VPS36: variants seen among roughly 807,000 people sequenced by gnomAD.
VPS36 encodes the protein vacuolar protein sorting 36 homolog, also known as vacuolar protein-sorting-associated protein 36.
VPS36 carries 31 observed loss-of-function variants against 63.5 expected under a neutral mutation model. The ratio of observed to expected loss-of-function variants is 0.49; its 90% confidence interval spans 0.37 to 0.66. The LOEUF (loss-of-function observed/expected upper bound fraction) is 0.66, where lower values mean the gene tolerates loss of function less well. VPS36 is among the 30% of genes least tolerant of loss of function. The pLI is 0.00. For missense variants in VPS36, 338 were observed against 463.7 expected, an observed-to-expected ratio of 0.73 and a Z score of 2.49; for synonymous variants, 138 against 157.2, an observed-to-expected ratio of 0.88 and a Z score of 0.91.
At chr13:52,423,140 T>C (rs1165306375) in intron 10 of VPS36, among the ~76,000 whole-genome samples, 6 of 152,226 alleles carry the variant, frequency 3.9e-5, no homozygotes, top group East Asian at 1.9e-4. Context: ...CTTTCTTTTG[T>C]AAATTGCCCA....
In VPS36 at chr13:52,415,758, T is replaced by G. The variant is rs1420182013; in HGVS notation, c.*72A>C. 8.0e-6 allele frequency: 11 copies of G among 1,381,012 alleles called. No individual in the cohort carries two copies. In the East Asian group the frequency reaches 2.5e-4, roughly 32 times the overall value. 85.5% of individuals were successfully genotyped at this position (1,381,012 alleles called of 1,614,324 possible). ...AATTCTCAATTGATCGGGGTTTATC[T>G]CTTAGCTCAATGTCATACAACCTCT... On this transcript the variant is annotated 3_prime_UTR_variant, in exon 14 of 14. Transcript: ENST00000378060.
intron 9 of VPS36, among the ~76,000 whole-genome samples, chr13:52,424,359 A>T (rs1046489018): frequency 3.3e-4 from 50 of 152,320 alleles, no homozygotes; most frequent in African/African-American, 1.1e-3. Context: ...ATCACAAAAA[A>T]TTTTTTAAAA....
chr13:52,444,409 G>A (rs1327687016), intron 1 of VPS36, among the ~76,000 whole-genome samples: 1 of 151,450 alleles, frequency 6.6e-6, no homozygotes, highest in Non-Finnish European at 1.5e-5. Flanking sequence ...GCAGTGAGCC[G>A]AGATCGCGCC....
intron 6 of VPS36, among the ~76,000 whole-genome samples, chr13:52,433,081 C>T (rs116605153): frequency 0.01 from 1,590 of 152,276 alleles, 26 homozygotes; most frequent in African/African-American, 0.036. Context: ...TAACTAATTA[C>T]AGAATCTAAT....
chr13:52,434,702 G>T, intron 5 of VPS36, 91 bp downstream of exon 5: 1 of 1,237,072 alleles, frequency 8.1e-7, no homozygotes, highest in Non-Finnish European at 1.1e-6. Context: ...ATTTTGTTTT[G>T]GGCAAGTTCT....
chr13:52,427,114 G>C, intron 7 of VPS36, 48 bp from the exon 8 acceptor site: 1 of 1,602,448 alleles, frequency 6.2e-7, no homozygotes, highest in Non-Finnish European at 8.5e-7. Flanking sequence ...TCCCCAAAAT[G>C]TCTGCTAACA....
At chr13:52,440,220 C>G (rs924093185) in intron 2 of VPS36, among the ~76,000 whole-genome samples, 2 of 152,034 alleles carry the variant, frequency 1.3e-5, no homozygotes, top group Non-Finnish European at 2.9e-5. Context: ...CTCAAGTGAC[C>G]CCCCTGCCTC....
chr13:52,429,631 T>C (rs1958135866), intron 6 of VPS36, among the ~76,000 whole-genome samples: 1 of 152,156 alleles, frequency 6.6e-6, no homozygotes, highest in East Asian at 1.9e-4. Context: ...ATCTGCATGG[T>C]TAATGACCTG....
intron 2 of VPS36, 123 bp downstream of exon 2, chr13:52,442,254 G>C (rs922075271): frequency 1.3e-6 from 1 of 783,766 alleles, no homozygotes; most frequent in African/African-American, 1.8e-5. Flanking sequence ...GGGAGGTTGA[G>C]GCCAGGAGAA....
intron 1 of VPS36, among the ~76,000 whole-genome samples, chr13:52,448,395 G>A (rs963407393): frequency 2.0e-5 from 3 of 152,192 alleles, no homozygotes; most frequent in African/African-American, 7.2e-5. Flanking sequence ...GAGTCAGCCT[G>A]TGCCCCATTC....
chr13:52,428,131 C>T (rs1958122519), intron 6 of VPS36, among the ~76,000 whole-genome samples: 1 of 152,116 alleles, frequency 6.6e-6, no homozygotes, highest in Non-Finnish European at 1.5e-5. Flanking sequence ...ATTCAAATAC[C>T]ATCTAAATGT....
chr13:52,430,669 C>T (rs994354541), intron 6 of VPS36, among the ~76,000 whole-genome samples: 7 of 151,688 alleles, frequency 4.6e-5, no homozygotes, highest in Admixed American at 4.6e-4. Flanking sequence ...AGAAAAATTT[C>T]CCTGAAATTA....
intron 10 of VPS36, among the ~76,000 whole-genome samples, chr13:52,423,323 T>C (rs1206422474): frequency 1.3e-5 from 2 of 151,830 alleles, no homozygotes; most frequent in African/African-American, 2.4e-5. Flanking sequence ...AAAATAAAAA[T>C]AAAGAAAAGA....
At chr13:52,422,169 A>G (rs1958053567) in intron 10 of VPS36, among the ~76,000 whole-genome samples, 1 of 152,058 alleles carries the variant, frequency 6.6e-6, no homozygotes, top group African/African-American at 2.4e-5. Context: ...CTCTACCTCC[A>G]TGAGATTAGC....
intron 2 of VPS36, among the ~76,000 whole-genome samples, chr13:52,440,001 T>TG (rs1958260184): frequency 6.6e-6 from 1 of 151,510 alleles, no homozygotes; most frequent in African/African-American, 2.4e-5. Context: ...TTTTTTGAGA[T>TG]GGAGTCTCGC....
chr13:52,447,128 C>T (rs1316920157), intron 1 of VPS36, among the ~76,000 whole-genome samples: 1 of 152,118 alleles, frequency 6.6e-6, no homozygotes, highest in Non-Finnish European at 1.5e-5. Context: ...CTACCCGCCT[C>T]AGCCTCTCAA....
rs115059474 is a variant in VPS36, at chr13:52,446,559, C to T, written c.96+3940G>A. Among the ~76,000 whole-genome samples, 475 of 152,166 alleles carry T rather than the reference C, an allele frequency of 3.1e-3. 3 individuals are homozygous for T. The highest frequency in any genetic ancestry group is 0.011 in the African/African-American group (450 of 41,518). ...CACTCAGAACCTAGAATAATTTTAA[C>T]TGCTTAAAAATTGATCTAACTTCAG... On this transcript the variant is annotated intron_variant, in intron 1 of 13. Transcript: ENST00000378060.
chr13:52,429,569 G>A (rs956385910), intron 6 of VPS36, among the ~76,000 whole-genome samples: 1 of 152,098 alleles, frequency 6.6e-6, no homozygotes, highest in African/African-American at 2.4e-5. Context: ...CACAGCCTCT[G>A]ATACAAGGCC....
At chr13:52,445,481 T>G (rs985519323) in intron 1 of VPS36, among the ~76,000 whole-genome samples, 4 of 143,074 alleles carry the variant, frequency 2.8e-5, no homozygotes, top group African/African-American at 1.0e-4. Flanking sequence ...CTACTAAAAA[T>G]ACAAAAAATT....
Sources: gnomAD v4.1 joint callset for allele counts (sites outside exome capture counted in the v4.1 genomes callset) on GRCh38, gnomAD v4.1.1 for gene constraint, MANE v1.5 for transcripts, NCBI Gene and HGNC (gene_info 2026-07-23, HGNC 2026-07-21) for gene names.